The following BRD10 variants were observed in gnomAD, a reference collection of about 807,000 sequenced individuals.
BRD10 encodes bromodomain containing 10.
the BRD10 span, among the ~76,000 whole-genome samples, chr9:5,888,709 T>C: frequency 6.6e-6 from 1 of 152,342 alleles, no homozygotes; most frequent in African/African-American, 2.4e-5. Context: ...TCGAAGCTGA[T>C]CCTCTTTCAA....
the BRD10 span, chr9:5,921,155 T>C: frequency 1.2e-5 from 19 of 1,613,850 alleles, no homozygotes; most frequent in East Asian, 1.6e-4. Flanking sequence ...TGGCAAAATA[T>C]AGCCCTTGCT....
chr9:5,936,763 T>C, the BRD10 span, among the ~76,000 whole-genome samples: 6 of 152,186 alleles, frequency 3.9e-5, no homozygotes, highest in South Asian at 2.1e-4. Flanking sequence ...CTAAGAATGA[T>C]GTAAAGCTCA....
At chr9:5,959,106 T>C in the BRD10 span, among the ~76,000 whole-genome samples, 2 of 152,224 alleles carry the variant, frequency 1.3e-5, no homozygotes, top group African/African-American at 2.4e-5. Context: ...ACTTAGAATA[T>C]TGAATCAGTT....
At chr9:6,003,498 C>T in the BRD10 span, among the ~76,000 whole-genome samples, 1 of 152,018 alleles carries the variant, frequency 6.6e-6, no homozygotes, top group African/African-American at 2.4e-5. Flanking sequence ...GAATGAGATC[C>T]CTTCTAAAAT....
At chr9:5,985,935 T>C in the BRD10 span, among the ~76,000 whole-genome samples, 3 of 152,054 alleles carry the variant, frequency 2.0e-5, no homozygotes, top group Admixed American at 6.6e-5. Context: ...TAAAAAAAAA[T>C]TGTTGGGTTG....
At chr9:5,974,921 TAA>T in the BRD10 span, among the ~76,000 whole-genome samples, 5 of 152,116 alleles carry the variant, frequency 3.3e-5, no homozygotes, top group Admixed American at 2.0e-4. Flanking sequence ...TAAAAAATCA[TAA>T]AAGAGTCAGA....
At chr9:5,974,858 C>G in the BRD10 span, among the ~76,000 whole-genome samples, 3 of 152,182 alleles carry the variant, frequency 2.0e-5, no homozygotes, top group Admixed American at 6.5e-5. Flanking sequence ...TCAGGAAGGT[C>G]TTACCTTGGT....
At chr9:5,996,627 G>A in the BRD10 span, among the ~76,000 whole-genome samples, 34 of 152,204 alleles carry the variant, frequency 2.2e-4, no homozygotes, top group South Asian at 1.4e-3. Context: ...TACCATGCCC[G>A]AGCCATGTAA....
At chr9:5,932,782 T>C in the BRD10 span, among the ~76,000 whole-genome samples, 3 of 152,168 alleles carry the variant, frequency 2.0e-5, no homozygotes, top group African/African-American at 7.2e-5. Context: ...TACAATGCTG[T>C]ATTTCTTGGA....
the BRD10 span, among the ~76,000 whole-genome samples, chr9:5,896,404 T>C: frequency 3.9e-5 from 6 of 152,194 alleles, no homozygotes; most frequent in Non-Finnish European, 7.3e-5. Context: ...AGTCAGAGTT[T>C]CCATCTAGCA....
At chr9:5,982,788 C>T in the BRD10 span, among the ~76,000 whole-genome samples, 1 of 152,116 alleles carries the variant, frequency 6.6e-6, no homozygotes, top group East Asian at 1.9e-4. Context: ...ACTATGAGAA[C>T]AGAAAGTCGG....
the BRD10 span, among the ~76,000 whole-genome samples, chr9:5,925,693 A>C: frequency 2.0e-5 from 3 of 152,216 alleles, no homozygotes; most frequent in African/African-American, 7.2e-5. Flanking sequence ...AAATATTTTA[A>C]AAAATTATGC....
At chr9:5,911,433 C>T in the BRD10 span, among the ~76,000 whole-genome samples, 1 of 144,502 alleles carries the variant, frequency 6.9e-6, no homozygotes. Flanking sequence ...AATGCCAGTA[C>T]CATGATGTTT....
At chr9:5,885,834 T>C in the BRD10 span, among the ~76,000 whole-genome samples, 29 of 152,212 alleles carry the variant, frequency 1.9e-4, no homozygotes, top group Non-Finnish European at 4.1e-4. Flanking sequence ...GCTTACGGGG[T>C]GAGGACTCAG....
At chr9:5,999,958 T>G in the BRD10 span, among the ~76,000 whole-genome samples, 2 of 152,218 alleles carry the variant, frequency 1.3e-5, no homozygotes, top group Non-Finnish European at 2.9e-5. Context: ...GTATGTTGTC[T>G]GTGTTCAATT....
chr9:5,988,838 A>T, the BRD10 span, among the ~76,000 whole-genome samples: 1 of 152,236 alleles, frequency 6.6e-6, no homozygotes, highest in African/African-American at 2.4e-5. Context: ...TATTGTTTGC[A>T]ATGTATTTCA....
chr9:6,008,163 A>G, the BRD10 span: 1 of 970,528 alleles, frequency 1.0e-6, no homozygotes, highest in Non-Finnish European at 1.2e-6. Context: ...CTCCCGGGCC[A>G]GCGGGGGGCT....
the BRD10 span, among the ~76,000 whole-genome samples, chr9:5,890,263 A>G: frequency 6.6e-6 from 1 of 152,234 alleles, no homozygotes; most frequent in Non-Finnish European, 1.5e-5. Flanking sequence ...GACATGAGAA[A>G]AACAAATGTG....
chr9:5,933,927 G>T, the BRD10 span: 1 of 454,210 alleles, frequency 2.2e-6, no homozygotes, highest in Non-Finnish European at 4.5e-6. Flanking sequence ...TATATTAAAT[G>T]TCTCATAACA....
Sources: allele counts gnomAD v4.1 joint callset (sites outside exome capture counted in the v4.1 genomes callset), GRCh38; gene constraint gnomAD v4.1.1; transcripts MANE v1.5; gene names NCBI Gene and HGNC (gene_info 2026-07-23, HGNC 2026-07-21).